TENM2: variants seen among roughly 807,000 people sequenced by gnomAD.
The protein encoded by TENM2 is teneurin transmembrane protein 2, also known as teneurin-2.
A neutral mutation model predicts 245.2 loss-of-function variants in TENM2; 52 were observed. The observed-to-expected ratio is 0.21, with a 90% confidence interval of 0.17 to 0.27. TENM2 has a LOEUF of 0.27. Ranked by LOEUF, TENM2 falls within the 10% of genes least tolerant of loss-of-function variation. The pLI is 1.00. For missense variants in TENM2, 3,046 were observed against 3,666.8 expected (o/e 0.83, Z 4.37); for synonymous variants, 1,363 against 1,438.9 (o/e 0.95, Z 1.19).
In TENM2 at chr5:168,244,670, G is replaced by T. The variant is rs530941736; in HGVS notation, c.5771G>T (p.Arg1924Leu). The T allele has an allele frequency of 2.0e-6, 3 of 1,501,020 alleles. No homozygotes were observed. The highest frequency in any genetic ancestry group is 2.7e-6 in the Non-Finnish European group (3 of 1,113,748). The allele number at this position is 1,501,020 out of a possible 1,614,324, so 93.0% of individuals were successfully genotyped here. Reference sequence around the variant, plus strand: ...GACAAGCAAGGCCGCATCGTGTCCCGCATGTTCGCTGACGGGAAAGTGTGG... The same window carrying T: ...GACAAGCAAGGCCGCATCGTGTCCCTCATGTTCGCTGACGGGAAAGTGTGG... Residue 1924 changes from arginine (R) to leucine (L), a missense_variant, in exon 26 of 29, where the codon CGC becomes CTC. Physicochemically the swap from Arg to Leu is moderately radical, Grantham distance 102 (BLOSUM62 -2). This residue lies in a region of TENM2 where 2,704 missense variants were observed against 3,331.9 expected (regional missense o/e 0.81). Coordinates refer to ENST00000518659, the Ensembl canonical transcript of TENM2. This position sits in a 1 kb window ranked among gnomAD's most constrained non-coding sequence, Gnocchi z 4.9.
chr5:167,473,459 G>A (rs185966291), intron 2 of TENM2, among the ~76,000 whole-genome samples: 33 of 152,278 alleles, frequency 2.2e-4, no homozygotes, highest in Admixed American at 9.8e-4. Context: ...AACCAAGGAC[G>A]AAGGAAAGTT....
chr5:168,235,042 G>T (rs376655338), intron 25 of TENM2, among the ~76,000 whole-genome samples: 1 of 152,128 alleles, frequency 6.6e-6, no homozygotes, highest in African/African-American at 2.4e-5. Context: ...GGGGATGGGC[G>T]TGCCTATGTG....
At chr5:167,850,853 C>A (rs1278711830) in intron 2 of TENM2, among the ~76,000 whole-genome samples, 1 of 152,160 alleles carries the variant, frequency 6.6e-6, no homozygotes, top group African/African-American at 2.4e-5. Flanking sequence ...AATAGTAGCT[C>A]TGTAGTGCTG....
intron 2 of TENM2, among the ~76,000 whole-genome samples, chr5:167,634,261 A>G (rs1779054475): frequency 6.6e-6 from 1 of 152,188 alleles, no homozygotes; most frequent in Admixed American, 6.5e-5. Context: ...TCCAGTTTGC[A>G]ATCACAAGCA....
Position 167,406,714 on chromosome 5 carries a change from T to C in TENM2, c.502+31241T>C, listed in dbSNP as rs1341375594. Among the ~76,000 whole-genome samples, 3 of 152,318 alleles carry C rather than the reference T, an allele frequency of 2.0e-5. 1 individual carries two copies. Among genetic ancestry groups the C allele is most frequent in the Non-Finnish European group, 4.4e-5 (3 of 68,006 alleles). ...GATTGTATAAGTACTGAAGCAAGAT[T>C]AAAATCTAGACATTCCTGACTTCTA... On this transcript the variant is annotated intron_variant, in intron 2 of 28. Transcript: ENST00000518659.
chr5:167,584,767 T>A (rs2127690963), intron 2 of TENM2, among the ~76,000 whole-genome samples: 1 of 151,472 alleles, frequency 6.6e-6, no homozygotes, highest in Admixed American at 6.6e-5. Flanking sequence ...CAATCTCGGC[T>A]CACTGCAAGC....
chr5:167,363,832 A>G (rs977398368), intron 1 of TENM2, among the ~76,000 whole-genome samples: 1 of 152,048 alleles, frequency 6.6e-6, no homozygotes, highest in African/African-American at 2.4e-5. Context: ...TTTGACCTTT[A>G]AAGTTTTAAA....
At chr5:168,177,043 A>T (rs890235988) in intron 13 of TENM2, among the ~76,000 whole-genome samples, 1 of 152,176 alleles carries the variant, frequency 6.6e-6, no homozygotes, top group South Asian at 2.1e-4. Context: ...AAGCCTCATA[A>T]TCCTCCTTTA....
intron 2 of TENM2, among the ~76,000 whole-genome samples, chr5:167,393,303 AAT>A (rs772423167): frequency 6.6e-6 from 1 of 152,086 alleles, no homozygotes; most frequent in Non-Finnish European, 1.5e-5. Flanking sequence ...AGACAGTAGA[AAT>A]AGATAGGAGT....
At chr5:168,248,054 C>G (rs571165025) in exon 27 of TENM2, 2 of 1,614,004 alleles carry the variant, frequency 1.2e-6, no homozygotes, top group Admixed American at 3.3e-5. Context: ...TCTGATAACA[C>G]AGGGACTCCT....
chr5:167,966,815 T>G (rs1781417996), intron 4 of TENM2, among the ~76,000 whole-genome samples: 1 of 152,194 alleles, frequency 6.6e-6, no homozygotes, highest in Non-Finnish European at 1.5e-5. Context: ...GGTTTAAAGG[T>G]AGGATTCATT....
rs566596387 is a variant in TENM2, at chr5:167,468,736, A to T, written c.502+93263A>T. Among the ~76,000 whole-genome samples the T allele has an allele frequency of 3.1e-4, 47 of 152,336 alleles. 2 individuals carry two copies. The South Asian group carries it at 9.7e-3, about 32-fold the overall frequency. On this transcript the variant is annotated intron_variant, in intron 2 of 28. Coordinates refer to ENST00000518659, the Ensembl canonical transcript of TENM2. ...TACCACTTTCTCTCTTAGACAATTTATAAGAACCTTTATATTGAATCATTG... is the reference window on the plus strand; with the variant it reads ...TACCACTTTCTCTCTTAGACAATTTTTAAGAACCTTTATATTGAATCATTG...
At chr5:167,732,001 T>C (rs1438856777) in intron 2 of TENM2, among the ~76,000 whole-genome samples, 1 of 152,200 alleles carries the variant, frequency 6.6e-6, no homozygotes, top group Non-Finnish European at 1.5e-5. Flanking sequence ...CAGTATATAA[T>C]TGCGGGCTTT....
the TENM2 span, among the ~76,000 whole-genome samples, chr5:167,143,849 T>C: frequency 6.6e-6 from 1 of 152,184 alleles, no homozygotes; most frequent in Non-Finnish European, 1.5e-5. Flanking sequence ...ATTTCGCACT[T>C]GCTTTGCTTT....
chr5:167,367,374 A>G (rs1002491021), intron 1 of TENM2, among the ~76,000 whole-genome samples: 4 of 152,198 alleles, frequency 2.6e-5, no homozygotes, highest in African/African-American at 9.6e-5. Flanking sequence ...CACTTCTGAA[A>G]TATAAATATT....
At chr5:167,650,670 T>C (rs1011826272) in intron 2 of TENM2, among the ~76,000 whole-genome samples, 1 of 152,110 alleles carries the variant, frequency 6.6e-6, no homozygotes, top group African/African-American at 2.4e-5. Context: ...ATTGAACTGA[T>C]ACTTGAGAAG....
intron 25 of TENM2, among the ~76,000 whole-genome samples, chr5:168,228,951 T>G (rs1450069235): frequency 6.8e-6 from 1 of 147,736 alleles, no homozygotes; most frequent in African/African-American, 2.5e-5. Context: ...ATTATATACA[T>G]TATATGTATA....
chr5:168,162,491 C>T, intron 12 of TENM2, 120 bp from the exon 15 acceptor site: 1 of 1,056,448 alleles, frequency 9.5e-7, no homozygotes, highest in East Asian at 2.6e-5. Flanking sequence ...CAGGCGCGGG[C>T]CCCACTGTGA....
chr5:167,537,462 A>G (rs1013881212), intron 2 of TENM2, among the ~76,000 whole-genome samples: 2 of 152,182 alleles, frequency 1.3e-5, no homozygotes, highest in African/African-American at 4.8e-5. Context: ...TTATTGTGTA[A>G]ACTCTTATCA....
Sources: gnomAD v4.1 joint callset for allele counts (sites outside exome capture counted in the v4.1 genomes callset) on GRCh38, gnomAD v4.1.1 for gene constraint, gnomAD v4.1.1 regional missense constraint, Gnocchi (gnomAD v3.1) non-coding constraint, MANE v1.5 for transcripts, NCBI Gene and HGNC (gene_info 2026-07-23, HGNC 2026-07-21) for gene names.